The following COL4A2 variants were observed in gnomAD, a reference collection of about 807,000 sequenced individuals.
COL4A2 encodes the protein collagen alpha-2(IV) chain.
In COL4A2, 99 loss-of-function variants were observed where a neutral mutation model predicts 200.2. The ratio of observed to expected loss-of-function variants is 0.49; its 90% CI spans 0.42 to 0.58. COL4A2 has a LOEUF of 0.58. COL4A2 is among the 20% of genes least tolerant of loss of function. The pLI is 0.00. For missense variants in COL4A2, 1,950 were observed against 2,314.1 expected (o/e 0.84, Z 3.23); for synonymous variants, 897 against 900.6 (o/e 1.00, Z 0.07).
At chr13:110,327,881 C>T (rs549013949) in intron 3 of COL4A2, among the ~76,000 whole-genome samples, 2 of 152,226 alleles carry the variant, frequency 1.3e-5, no homozygotes, top group Non-Finnish European at 2.9e-5. Context: ...TGCAACTCTT[C>T]GGTCACACAC....
rs926806738 is a variant in COL4A2 at position 110,438,651 on chromosome 13, G to T, written c.895G>T (p.Gly299Cys). The T allele has an allele frequency of 4.3e-6, 7 of 1,614,096 alleles. No individual in the cohort carries two copies. The highest frequency in any genetic ancestry group is 5.9e-6 in the Non-Finnish European group (7 of 1,180,046). The change falls in exon 15 of 48, where the codon GGC (glycine) becomes TGC (cysteine). Residue 299 changes from glycine to cysteine, a missense_variant. Around this residue, in one of 2 missense-constraint regions of COL4A2, gnomAD observed 565 missense variants for 593.5 expected, o/e 0.95. Transcript: ENST00000360467. ...CTTGAAGGGAGAAGAAGGAATCATG[G>T]GCTTTCCTGGACTGAGGGTAAACCA... ...ISLKGEEGIM[G>C]FPGLRGYPGL...
chr13:110,347,727 A>G (rs973180544), intron 3 of COL4A2, among the ~76,000 whole-genome samples: 1 of 152,240 alleles, frequency 6.6e-6, no homozygotes, highest in Non-Finnish European at 1.5e-5. Context: ...CTCCAGCACT[A>G]AAGTACGGCT....
At chr13:110,424,277 T>C (rs1880376815) in intron 4 of COL4A2, among the ~76,000 whole-genome samples, 1 of 151,152 alleles carries the variant, frequency 6.6e-6, no homozygotes, top group Non-Finnish European at 1.5e-5. Context: ...TTTCCCTCTA[T>C]GTGAACAAAA....
intron 14 of COL4A2, 172 bp from the exon 15 acceptor site, chr13:110,438,446 G>A (rs1232245938): frequency 1.4e-5 from 12 of 847,632 alleles, no homozygotes; most frequent in South Asian, 4.1e-5. Flanking sequence ...GAAGGCTGGC[G>A]GGTCTCCTAG....
intron 29 of COL4A2, among the ~76,000 whole-genome samples, chr13:110,477,737 T>C (rs572576875): frequency 6.6e-5 from 10 of 152,354 alleles, no homozygotes; most frequent in South Asian, 2.1e-4. Context: ...ACTATACTTA[T>C]AGTGCCATGT....
intron 29 of COL4A2, among the ~76,000 whole-genome samples, chr13:110,474,313 G>A (rs531472096): frequency 2.2e-4 from 33 of 152,324 alleles, no homozygotes; most frequent in African/African-American, 7.5e-4. Flanking sequence ...CATCCTAAGC[G>A]AGATGGAGGC....
intron 3 of COL4A2, among the ~76,000 whole-genome samples, chr13:110,347,339 C>T (rs1384044041): frequency 6.6e-6 from 1 of 152,166 alleles, no homozygotes; most frequent in African/African-American, 2.4e-5. Context: ...TGGGAAGGCT[C>T]GGGGGGCTGA....
In COL4A2 at chr13:110,507,937, C is replaced by A; in HGVS notation, c.4597C>A (p.Leu1533Met). Residue 1533 changes from leucine (L) to methionine (M), a missense_variant and splice_region_variant, in exon 47 of 48, where the codon CTG becomes ATG. Physicochemically the swap from Leu to Met is conservative, Grantham distance 15. Coordinates refer to ENST00000360467, the MANE Select transcript of COL4A2 (RefSeq NM_001846.4). ...TCTCATGACCCCTCCTTCCACAGGG[C>A]TGGCGGGCTCCTGCCTGGCGCGGTT... ...QEKAHNQDLGLAGSCLARFST... is the reference protein window; with the variant it reads ...QEKAHNQDLGMAGSCLARFST... 1.2e-6 allele frequency: 2 copies of A among 1,613,324 alleles called. No individual in the cohort carries two copies. The highest frequency in any genetic ancestry group is 1.7e-6 in the Non-Finnish European group (2 of 1,179,494).
chr13:110,354,515 A>G (rs1262476980), intron 3 of COL4A2, among the ~76,000 whole-genome samples: 1 of 152,076 alleles, frequency 6.6e-6, no homozygotes, highest in Non-Finnish European at 1.5e-5. Context: ...TACACCATAA[A>G]CTCCAGCTGC....
At chr13:110,499,712 G>C (rs1883579808) in intron 40 of COL4A2, among the ~76,000 whole-genome samples, 2 of 152,180 alleles carry the variant, frequency 1.3e-5, no homozygotes, top group African/African-American at 4.8e-5. Flanking sequence ...ACGATCCATG[G>C]GGGCTACTGA....
chr13:110,474,733 CCA>C (rs1882624229), intron 29 of COL4A2, among the ~76,000 whole-genome samples: 1 of 115,656 alleles, frequency 8.6e-6, no homozygotes, highest in Non-Finnish European at 1.9e-5. Context: ...ACGCACGTAC[CCA>C]CACACGTGCC....
intron 20 of COL4A2, among the ~76,000 whole-genome samples, chr13:110,453,814 G>T (rs1349924191): frequency 1.3e-5 from 2 of 152,162 alleles, no homozygotes; most frequent in African/African-American, 4.8e-5. Flanking sequence ...GAGACACATG[G>T]TTTCCAAATC....
chr13:110,338,867 A>T (rs1391844414), intron 3 of COL4A2, among the ~76,000 whole-genome samples: 1 of 152,204 alleles, frequency 6.6e-6, no homozygotes, highest in Non-Finnish European at 1.5e-5. Flanking sequence ...TTGTGGAGTA[A>T]GGAGCTCGGG....
intron 4 of COL4A2, among the ~76,000 whole-genome samples, chr13:110,381,380 C>T (rs1878486656): frequency 6.6e-6 from 1 of 152,392 alleles, no homozygotes; most frequent in Non-Finnish European, 1.5e-5. Flanking sequence ...TCCGCCTGCT[C>T]CTCTACCGTA....
chr13:110,489,728 A>T lies in COL4A2; in HGVS notation c.3289A>T (p.Ile1097Leu). Residue 1097 changes from isoleucine to leucine, a missense_variant, in exon 36 of 48, where the codon ATA (isoleucine) becomes TTA (leucine). Ile to Leu is a conservative substitution (Grantham distance 5, BLOSUM62 2). This residue lies in a region of COL4A2 where 1,385 missense variants were observed against 1,720.5 expected (regional missense o/e 0.80). Coordinates refer to ENST00000360467, the MANE Select transcript of COL4A2 (RefSeq NM_001846.4). Reference protein sequence around the residue: ...TGDFGDIGDTINLPGRPGLKG... With the variant: ...TGDFGDIGDTLNLPGRPGLKG... ...TGTAACAGGTGACATCGGGGACACT[A>T]TAAATTTACCAGGAAGACCAGGCCT... is the stretch of plus-strand genomic sequence containing the variant. The T allele has an allele frequency of 6.2e-7, 1 of 1,614,168 alleles. No homozygotes were observed. The highest frequency in any genetic ancestry group is 1.1e-5 in the South Asian group (1 of 91,048).
chr13:110,324,864 T>C (rs183063055), intron 3 of COL4A2, among the ~76,000 whole-genome samples: 307 of 152,352 alleles, frequency 2.0e-3, no homozygotes, highest in African/African-American at 6.8e-3. Flanking sequence ...TGCTGATTGA[T>C]ACAGCTTTAG....
chr13:110,450,402 A>C lies in COL4A2; in HGVS notation c.1287A>C (p.Gly429=), dbSNP rs1337496324. 6.2e-7 allele frequency: 1 copy of C among 1,613,886 alleles called. No homozygotes were observed. Among genetic ancestry groups the C allele is most frequent in the Non-Finnish European group, 8.5e-7 (1 of 1,180,004 alleles). Residue 429 remains glycine (G), a synonymous_variant, in exon 20 of 48, where the codon GGA becomes GGC. Coordinates refer to ENST00000360467, the MANE Select transcript of COL4A2 (RefSeq NM_001846.4). ...ALYGGPPGPD[G]KRGPPGPPGL... ...ACGGGGGCCCACCTGGACCTGATGGAAAGCGAGGGCCTCCAGGACCCCCCG... is the reference window on the plus strand; with the variant it reads ...ACGGGGGCCCACCTGGACCTGATGGCAAGCGAGGGCCTCCAGGACCCCCCG...
intron 13 of COL4A2, among the ~76,000 whole-genome samples, 179 bp downstream of exon 13, chr13:110,436,546 A>C (rs771350060): frequency 6.6e-5 from 10 of 151,694 alleles, no homozygotes; most frequent in Non-Finnish European, 1.3e-4. Context: ...CCAGACGGTT[A>C]CTAGATTCAC....
At chr13:110,474,721 A>G (rs1022032790) in intron 29 of COL4A2, among the ~76,000 whole-genome samples, 1 of 139,070 alleles carries the variant, frequency 7.2e-6, no homozygotes, top group Non-Finnish European at 1.6e-5. Flanking sequence ...ACATGATCAC[A>G]CACGCACGTA....
Sources: allele counts gnomAD v4.1 joint callset (sites outside exome capture counted in the v4.1 genomes callset), GRCh38; gene constraint gnomAD v4.1.1; regional missense constraint gnomAD v4.1.1; transcripts MANE v1.5; gene names NCBI Gene and HGNC (gene_info 2026-07-23, HGNC 2026-07-21).